KLHL5: variants seen among roughly 807,000 people sequenced by gnomAD.
KLHL5 encodes kelch like family member 5, also known as kelch-like protein 5.
In KLHL5, 48 loss-of-function variants were observed where a neutral mutation model predicts 77.7. The ratio of observed to expected loss-of-function variants is 0.62; its 90% CI spans 0.49 to 0.79. The LOEUF is 0.79. Among genes scored for constraint, KLHL5 ranks in the 30% least tolerant of loss-of-function variants. The pLI, the probability that KLHL5 is intolerant of heterozygous loss-of-function variation, is 0.00. For synonymous variants in KLHL5, 260 were observed against 297.0 expected (o/e 0.88, Z 1.28); for missense variants, 723 against 859.7 (o/e 0.84, Z 1.99).
intron 1 of KLHL5, among the ~76,000 whole-genome samples, chr4:39,055,855 A>G (rs1716969098): frequency 6.6e-6 from 1 of 152,200 alleles, no homozygotes. Context: ...GTAAAGGGAC[A>G]TAGTTTAGTT....
At chr4:39,087,105 T>C (rs1259890642) in intron 5 of KLHL5, among the ~76,000 whole-genome samples, 1 of 152,020 alleles carries the variant, frequency 6.6e-6, no homozygotes, top group East Asian at 1.9e-4. Flanking sequence ...GCGATAGGGT[T>C]TCACCATATT....
rs761033468 is a variant in KLHL5 at position 39,113,017 on chromosome 4, C to T, written c.1689-3C>T. 2 of 1,610,884 alleles carry T rather than the reference C, an allele frequency of 1.2e-6. No homozygotes were observed. The highest frequency in any genetic ancestry group is 1.7e-6 in the Non-Finnish European group (2 of 1,178,434). ...TTTATCATTTCATATATTCTTTTTGCAGACTTTATGCAGTTGGTGGTCGTG... is the reference window on the plus strand; with the variant it reads ...TTTATCATTTCATATATTCTTTTTGTAGACTTTATGCAGTTGGTGGTCGTG... On this transcript the variant is annotated splice_region_variant and splice_polypyrimidine_tract_variant and intron_variant, in intron 8 of 10. Coordinates refer to ENST00000504108, the MANE Select transcript of KLHL5 (RefSeq NM_015990.5).
the KLHL5 span, among the ~76,000 whole-genome samples, chr4:39,140,008 C>G: frequency 6.6e-6 from 1 of 152,204 alleles, no homozygotes; most frequent in South Asian, 2.1e-4. Flanking sequence ...AGGCGGATCA[C>G]TTAAGCTCAG....
upstream of KLHL5, among the ~76,000 whole-genome samples, chr4:39,061,520 A>T (rs890832021): frequency 6.6e-6 from 1 of 152,218 alleles, no homozygotes; most frequent in Non-Finnish European, 1.5e-5. Context: ...TGTGTCCCTG[A>T]CAATGCCTAG....
chr4:39,047,332 C>T (rs1385346866), intron 1 of KLHL5, among the ~76,000 whole-genome samples: 1 of 152,148 alleles, frequency 6.6e-6, no homozygotes, highest in Non-Finnish European at 1.5e-5. Flanking sequence ...GGAGGAGAAT[C>T]GCTTGAACCT....
intron 1 of KLHL5, among the ~76,000 whole-genome samples, chr4:39,067,099 T>A (rs1412607264): frequency 6.6e-6 from 1 of 152,178 alleles, no homozygotes; most frequent in Non-Finnish European, 1.5e-5. Flanking sequence ...TTATTCACAT[T>A]TCTTTAGTTT....
At chr4:39,066,044 T>C (rs923047640) in intron 1 of KLHL5, among the ~76,000 whole-genome samples, 1 of 152,242 alleles carries the variant, frequency 6.6e-6, no homozygotes, top group Non-Finnish European at 1.5e-5. Context: ...CTTCTGGTAA[T>C]TTCTACTGCC....
chr4:39,131,016 TA>T (rs371821369), downstream of KLHL5, among the ~76,000 whole-genome samples: 2 of 75,966 alleles, frequency 2.6e-5, no homozygotes, highest in African/African-American at 8.5e-5. Context: ...CAAATTTTTG[TA>T]TTTTTTTTTT....
At chr4:39,097,584 T>C (rs889940959) in intron 6 of KLHL5, among the ~76,000 whole-genome samples, 3 of 152,164 alleles carry the variant, frequency 2.0e-5, no homozygotes, top group African/African-American at 7.2e-5. Context: ...AACCTGAATC[T>C]AATCATGAGG....
At chr4:39,076,743 G>GT (rs137873302) in intron 2 of KLHL5, among the ~76,000 whole-genome samples, 3,605 of 121,102 alleles carry the variant, frequency 0.03, 120 homozygotes, top group African/African-American at 0.089. Context: ...ATTCTCAAAG[G>GT]TTTTTTTTTT....
At chr4:39,092,724 C>T (rs542996599) in intron 5 of KLHL5, among the ~76,000 whole-genome samples, 1 of 152,238 alleles carries the variant, frequency 6.6e-6, no homozygotes, top group East Asian at 1.9e-4. Flanking sequence ...TTTATAGTGA[C>T]TCTTTTTAGA....
intron 1 of KLHL5, among the ~76,000 whole-genome samples, chr4:39,051,875 A>G (rs1352449897): frequency 1.3e-5 from 2 of 152,172 alleles, no homozygotes; most frequent in Non-Finnish European, 2.9e-5. Flanking sequence ...TGGTTCATTT[A>G]TAGTTCTTGA....
At chr4:39,142,088 C>A in the KLHL5 span, among the ~76,000 whole-genome samples, 1 of 152,182 alleles carries the variant, frequency 6.6e-6, no homozygotes, top group East Asian at 1.9e-4. Context: ...ACAGGATCAA[C>A]TGCTTTTTGA....
rs747146420 is a variant in KLHL5, at chr4:39,086,489, G to T, written c.901-26G>T. 8 of 1,563,070 alleles carry T rather than the reference G, an allele frequency of 5.1e-6. No homozygotes were observed. In the South Asian group the frequency reaches 8.9e-5, roughly 17 times the overall value. On this transcript the variant is annotated intron_variant, in intron 4 of 10. Coordinates refer to ENST00000504108, the MANE Select transcript of KLHL5 (RefSeq NM_015990.5). The stretch of plus-strand genomic sequence containing the variant: ...TGTGAAGGTCAGAAGGAACAATATT[G>T]TTTATCTGCTATTTCTTCCCTCTAG...
chr4:39,044,853 G>T (rs1716020202), upstream of KLHL5: 7 of 716,794 alleles, frequency 9.8e-6, no homozygotes, highest in South Asian at 3.7e-4. Flanking sequence ...CCACCTACTC[G>T]CCCGCCCCCT....
chr4:39,057,904 T>A (rs922666584), upstream of KLHL5, among the ~76,000 whole-genome samples: 1 of 152,228 alleles, frequency 6.6e-6, no homozygotes, highest in African/African-American at 2.4e-5. Context: ...AGTGAAGACA[T>A]AGCTTTAAAA....
chr4:39,094,693 C>T (rs550403663), intron 5 of KLHL5, among the ~76,000 whole-genome samples: 10 of 151,932 alleles, frequency 6.6e-5, no homozygotes, highest in African/African-American at 2.4e-4. Context: ...AAAAACAAAT[C>T]TCATATACTT....
intron 6 of KLHL5, among the ~76,000 whole-genome samples, chr4:39,098,140 A>C (rs1721234865): frequency 1.3e-5 from 2 of 151,870 alleles, no homozygotes; most frequent in Admixed American, 6.6e-5. Context: ...CATCTCAAAA[A>C]AAAAAAAAAA....
chr4:39,086,804 A>G, intron 5 of KLHL5, 77 bp downstream of exon 5: 1 of 1,064,282 alleles, frequency 9.4e-7, no homozygotes, highest in South Asian at 1.4e-5. Context: ...ATGTATTCCT[A>G]TGAAACGTGT....
Sources: allele counts gnomAD v4.1 joint callset (sites outside exome capture counted in the v4.1 genomes callset), GRCh38; gene constraint gnomAD v4.1.1; transcripts MANE v1.5; gene names NCBI Gene and HGNC (gene_info 2026-07-23, HGNC 2026-07-21).